MYO1D: variants seen among roughly 807,000 people sequenced by gnomAD.
MYO1D encodes unconventional myosin-Id.
In MYO1D, 83 loss-of-function variants were observed where a neutral mutation model predicts 122.0. That is an observed-to-expected ratio of 0.68 (90% CI 0.57 to 0.82). The LOEUF (loss-of-function observed/expected upper bound fraction) is 0.82. Ranked by LOEUF, MYO1D falls within the 40% of genes least tolerant of loss-of-function variation. The pLI is 0.00. For synonymous variants in MYO1D, 464 were observed against 446.9 expected, an observed-to-expected ratio of 1.04 and a Z score of -0.48; for missense variants, 1,157 against 1,269.5, an observed-to-expected ratio of 0.91 and a Z score of 1.35.
chr17:32,495,752 C>G (rs539627604), intron 21 of MYO1D: 1 of 152,450 alleles, frequency 6.6e-6, no homozygotes, highest in African/African-American at 2.4e-5. Flanking sequence ...GCAGCACAAT[C>G]CCACGCTGTA....
intron 16 of MYO1D, among the ~76,000 whole-genome samples, chr17:32,681,347 G>T (rs1307452205): frequency 2.9e-5 from 4 of 139,748 alleles, no homozygotes; most frequent in African/African-American, 1.1e-4. Context: ...TGATGTTAGG[G>T]TGTCAATTTT....
intron 16 of MYO1D, among the ~76,000 whole-genome samples, chr17:32,704,719 G>C (rs1170334778): frequency 6.6e-6 from 1 of 152,176 alleles, no homozygotes; most frequent in East Asian, 1.9e-4. Context: ...ACCTGTGAGA[G>C]TGAAGAATTG....
intron 19 of MYO1D, among the ~76,000 whole-genome samples, chr17:32,642,992 T>A (rs2088226514): frequency 6.6e-6 from 1 of 152,204 alleles, no homozygotes; most frequent in Admixed American, 6.5e-5. Flanking sequence ...GGCATCCCTG[T>A]CTTGTGCCAG....
intron 16 of MYO1D, among the ~76,000 whole-genome samples, chr17:32,682,345 C>A (rs1456699262): frequency 6.7e-6 from 1 of 150,214 alleles, no homozygotes; most frequent in Non-Finnish European, 1.5e-5. Flanking sequence ...TCTTCCTAGT[C>A]TCGATGGTCT....
chr17:32,730,593 G>A (rs2089626872), intron 14 of MYO1D, among the ~76,000 whole-genome samples: 1 of 151,900 alleles, frequency 6.6e-6, no homozygotes, highest in African/African-American at 2.4e-5. Flanking sequence ...GTATTCCCTG[G>A]GTATAGAATT....
intron 10 of MYO1D, among the ~76,000 whole-genome samples, chr17:32,758,833 C>A (rs1183478000): frequency 6.6e-6 from 1 of 152,136 alleles, no homozygotes; most frequent in Non-Finnish European, 1.5e-5. Context: ...TAGCCTTCTG[C>A]TCCCTCTAGG....
chr17:32,864,007 CTTTTTTTTTTTTTTTTTTT>C lies in MYO1D; in HGVS notation c.95+12752_95+12770del, dbSNP rs560953120. On this transcript the variant is annotated intron_variant, in intron 1 of 21. Coordinates refer to ENST00000318217, the MANE Select transcript of MYO1D (RefSeq NM_015194.3). ...TAATTTTGGTTACAAACATTTCTTC[CTTTTTTTTTTTTTTTTTTT>C]TTTTTTTTTTTTTTTTTTGGTGTTT... Among the ~76,000 whole-genome samples the C allele has an allele frequency of 5.0e-3, 246 of 48,978 alleles. 1 individual carries two copies. Among genetic ancestry groups the C allele is most frequent in the South Asian group, 0.039 (62 of 1,602 alleles). The allele number at this position is 48,978 out of a possible 152,430, so 32.1% of individuals were successfully genotyped here. A position where few individuals can be genotyped will look rare whatever the true frequency, so the allele number is the denominator to read the frequency against.
At chr17:32,686,911 G>C (rs2150970944) in intron 16 of MYO1D, among the ~76,000 whole-genome samples, 1 of 151,316 alleles carries the variant, frequency 6.6e-6, no homozygotes, top group South Asian at 2.1e-4. Context: ...AGGCTGCAGT[G>C]CCATAATTGT....
chr17:32,743,704 G>A (rs1332012628), intron 13 of MYO1D, among the ~76,000 whole-genome samples: 2 of 151,676 alleles, frequency 1.3e-5, no homozygotes, highest in South Asian at 2.1e-4. Context: ...TGCAAGCTCC[G>A]CCTCCCAGGT....
At position 32,637,250 on chromosome 17, in the gene MYO1D, G is replaced by C. The variant is rs189651466; in HGVS notation, c.2709+1472C>G. Reference sequence around the variant, plus strand: ...TTTGGTTTCACACTTCTTTAGACTTGGACAAAATATGATTTTCTGCCTCAT... The same window carrying C: ...TTTGGTTTCACACTTCTTTAGACTTCGACAAAATATGATTTTCTGCCTCAT... On this transcript the variant is annotated intron_variant, in intron 20 of 21. Coordinates refer to ENST00000318217, the MANE Select transcript of MYO1D (RefSeq NM_015194.3). Among the ~76,000 whole-genome samples, 12 of 152,212 alleles carry C rather than the reference G, an allele frequency of 7.9e-5. No individual in the cohort carries two copies. In the East Asian group the frequency reaches 2.1e-3, roughly 27 times the overall value.
intron 1 of MYO1D, among the ~76,000 whole-genome samples, chr17:32,865,371 AT>A (rs142771174): frequency 0.049 from 7,384 of 151,430 alleles, 555 homozygotes; most frequent in African/African-American, 0.16. Context: ...AGATTAAGCC[AT>A]TTTTTTTTGA....
chr17:32,594,860 G>C (rs909598075), intron 21 of MYO1D, among the ~76,000 whole-genome samples: 1 of 152,138 alleles, frequency 6.6e-6, no homozygotes, highest in Non-Finnish European at 1.5e-5. Flanking sequence ...TTATGAAACT[G>C]CTGATCTGAG....
At chr17:32,737,165 A>C (rs957815317) in intron 14 of MYO1D, among the ~76,000 whole-genome samples, 3 of 152,246 alleles carry the variant, frequency 2.0e-5, no homozygotes, top group African/African-American at 7.2e-5. Context: ...ACATAGGAGA[A>C]GCACCAGAAG....
At chr17:32,552,573 C>T (rs1164573347) in intron 21 of MYO1D, among the ~76,000 whole-genome samples, 1 of 152,162 alleles carries the variant, frequency 6.6e-6, no homozygotes, top group African/African-American at 2.4e-5. Context: ...TCATCTCCCA[C>T]CTTCCTCCTT....
At chr17:32,587,786 T>A (rs1248059989) in intron 21 of MYO1D, among the ~76,000 whole-genome samples, 1 of 152,206 alleles carries the variant, frequency 6.6e-6, no homozygotes, top group African/African-American at 2.4e-5. Context: ...CCTGTGGGAT[T>A]GGCGGCCCAG....
chr17:32,526,806 C>T (rs1401463895), intron 21 of MYO1D, among the ~76,000 whole-genome samples: 1 of 152,200 alleles, frequency 6.6e-6, no homozygotes, highest in Non-Finnish European at 1.5e-5. Context: ...GCGTGAGCTA[C>T]CGTGCCCAGC....
chr17:32,607,997 A>G (rs181855608), intron 20 of MYO1D, among the ~76,000 whole-genome samples: 77 of 152,338 alleles, frequency 5.1e-4, no homozygotes, highest in African/African-American at 1.4e-3. Context: ...AGAGTGCACT[A>G]TAAGATCGAA....
At chr17:32,670,618 G>A (rs1265732378) in intron 16 of MYO1D, among the ~76,000 whole-genome samples, 1 of 152,168 alleles carries the variant, frequency 6.6e-6, no homozygotes, top group African/African-American at 2.4e-5. Context: ...TTCCCATTTG[G>A]TGTGCTTTCC....
chr17:32,554,907 G>C (rs2087054788), intron 21 of MYO1D, among the ~76,000 whole-genome samples: 1 of 152,224 alleles, frequency 6.6e-6, no homozygotes, highest in Admixed American at 6.5e-5. Flanking sequence ...TGAGTAGCTT[G>C]GTAAGTGAAG....
Sources: allele counts gnomAD v4.1 joint callset (sites outside exome capture counted in the v4.1 genomes callset), GRCh38; gene constraint gnomAD v4.1.1; transcripts MANE v1.5; gene names NCBI Gene and HGNC (gene_info 2026-07-23, HGNC 2026-07-21).